OR51B5: variants seen among roughly 807,000 people sequenced by gnomAD.
OR51B5 encodes olfactory receptor family 51 subfamily B member 5.
For missense variants in OR51B5, 456 were observed against 374.6 expected (o/e 1.22, Z -1.79); for synonymous variants, 186 against 144.8 (o/e 1.28, Z -2.04).
intron 1 of OR51B5, among the ~76,000 whole-genome samples, chr11:5,451,763 T>G (rs981561165): frequency 1.3e-5 from 2 of 152,022 alleles, no homozygotes; most frequent in Admixed American, 1.3e-4. Context: ...TTGTTAGAGG[T>G]TGGAGAGGAA....
At chr11:5,476,730 G>C (rs544270776) in intron 1 of OR51B5, among the ~76,000 whole-genome samples, 1 of 152,306 alleles carries the variant, frequency 6.6e-6, no homozygotes, top group African/African-American at 2.4e-5. Context: ...TGACTTACTA[G>C]TTGTGTTATC....
At chr11:5,418,716 C>T (rs1429596545) in intron 1 of OR51B5, among the ~76,000 whole-genome samples, 7 of 151,176 alleles carry the variant, frequency 4.6e-5, no homozygotes, top group Middle Eastern at 3.2e-3. Context: ...CATCACACAC[C>T]CGAGCCTATC....
At chr11:5,498,022 T>A (rs1158178182) in intron 1 of OR51B5, among the ~76,000 whole-genome samples, 2 of 152,190 alleles carry the variant, frequency 1.3e-5, no homozygotes, top group Non-Finnish European at 2.9e-5. Context: ...CATGTGGTCT[T>A]CCACTCCCAC....
intron 1 of OR51B5, among the ~76,000 whole-genome samples, chr11:5,405,290 C>A (rs912595659): frequency 3.9e-5 from 6 of 152,116 alleles, no homozygotes; most frequent in African/African-American, 1.4e-4. Flanking sequence ...AAACATCTTG[C>A]TCAAATCTAT....
At chr11:5,446,970 G>A (rs1220004469) in intron 1 of OR51B5, among the ~76,000 whole-genome samples, 1 of 152,100 alleles carries the variant, frequency 6.6e-6, no homozygotes, top group Non-Finnish European at 1.5e-5. Flanking sequence ...TGGCTTTAAG[G>A]GAGAAGATCA....
intron 1 of OR51B5, among the ~76,000 whole-genome samples, chr11:5,400,093 C>T (rs1849944315): frequency 6.6e-6 from 1 of 152,148 alleles, no homozygotes; most frequent in African/African-American, 2.4e-5. Flanking sequence ...AAATGTTTCT[C>T]ATTTTCAGCC....
chr11:5,458,665 C>T (rs1035565337), intron 1 of OR51B5, among the ~76,000 whole-genome samples: 31 of 152,144 alleles, frequency 2.0e-4, no homozygotes, highest in African/African-American at 6.8e-4. Context: ...TTGTAGAGAT[C>T]ATTCACCTGC....
intron 1 of OR51B5, among the ~76,000 whole-genome samples, chr11:5,447,061 G>T (rs1846061560): frequency 1.3e-5 from 2 of 152,138 alleles, no homozygotes; most frequent in African/African-American, 2.4e-5. Flanking sequence ...ACAAGTTGAT[G>T]CTTTGCATGG....
At chr11:5,428,946 G>C (rs1173879462) in intron 1 of OR51B5, among the ~76,000 whole-genome samples, 1 of 152,142 alleles carries the variant, frequency 6.6e-6, no homozygotes, top group Non-Finnish European at 1.5e-5. Context: ...AAGTGATGTG[G>C]CCAGAGGTCA....
At chr11:5,453,585 G>C (rs139674475) in intron 1 of OR51B5, 3 of 1,613,154 alleles carry the variant, frequency 1.9e-6, no homozygotes, top group Non-Finnish European at 2.5e-6. Flanking sequence ...GCCCCTCTGC[G>C]TGATGTATGC....
intron 1 of OR51B5, among the ~76,000 whole-genome samples, chr11:5,465,485 A>T (rs1851125926): frequency 6.6e-6 from 1 of 152,008 alleles, no homozygotes; most frequent in Non-Finnish European, 1.5e-5. Flanking sequence ...ACCAAAAAAG[A>T]GCCCCCATCA....
intron 1 of OR51B5, among the ~76,000 whole-genome samples, chr11:5,490,196 A>G (rs61892115): frequency 2.0e-5 from 3 of 152,136 alleles, no homozygotes; most frequent in African/African-American, 4.8e-5. Flanking sequence ...TAAAAATAAC[A>G]TCTAACTTTG....
At chr11:5,489,414 C>T (rs1851545792) in intron 1 of OR51B5, 2 of 1,613,856 alleles carry the variant, frequency 1.2e-6, no homozygotes, top group African/African-American at 1.3e-5. Context: ...CTCATGATGC[C>T]CAGCACAAAG....
chr11:5,466,827 G>A (rs1393118309), intron 1 of OR51B5, among the ~76,000 whole-genome samples: 1 of 152,174 alleles, frequency 6.6e-6, no homozygotes, highest in African/African-American at 2.4e-5. Context: ...AGCGAAGTCT[G>A]GTCCAGGAGG....
chr11:5,409,704 A>C (rs1211519203), intron 1 of OR51B5, among the ~76,000 whole-genome samples: 1 of 152,200 alleles, frequency 6.6e-6, no homozygotes, highest in Non-Finnish European at 1.5e-5. Flanking sequence ...CATTCATGGA[A>C]ACTTAAACAA....
At chr11:5,457,655 G>A (rs555188201) in intron 1 of OR51B5, among the ~76,000 whole-genome samples, 1 of 152,214 alleles carries the variant, frequency 6.6e-6, no homozygotes, top group East Asian at 1.9e-4. Context: ...TTTAGTAATA[G>A]TCATTTCTCA....
Position 5,389,812 on chromosome 11 carries a change from C to G in OR51B5, n.85-42902G>C, listed in dbSNP as rs759574205. ...TGTCCTTTGACCGCCTTGTGGCCAT[C>G]TGCCACCCTCTGAGGTATTCGGTCA... On this transcript the variant is annotated intron_variant and non_coding_transcript_variant, in intron 1 of 4. Transcript: ENST00000415970. 14 of 1,613,944 alleles carry G rather than the reference C, an allele frequency of 8.7e-6. No homozygotes were observed. The South Asian group carries it at 1.3e-4, about 15-fold the overall frequency.
chr11:5,430,375 G>A lies in OR51B5; in HGVS notation n.84+75194C>T, dbSNP rs1299927488. On this transcript the variant is annotated intron_variant and non_coding_transcript_variant, in intron 1 of 4. Coordinates refer to the OR51B5 transcript ENST00000415970. ...TTTGCTAGGAGTTTTGAGAAAATGA[G>A]GAAAAGGAAAATCCATTACTTCTGC... Among the ~76,000 whole-genome samples the A allele has an allele frequency of 2.0e-5, 3 of 152,048 alleles. No homozygotes were observed. In the East Asian group the frequency reaches 5.8e-4, roughly 29 times the overall value.
At chr11:5,360,672 C>G (rs971617821) in intron 1 of OR51B5, among the ~76,000 whole-genome samples, 28 of 152,000 alleles carry the variant, frequency 1.8e-4, no homozygotes, top group African/African-American at 6.5e-4. Context: ...AATCATGCTG[C>G]TATAAAGACA....
Sources: allele counts gnomAD v4.1 joint callset (sites outside exome capture counted in the v4.1 genomes callset), GRCh38; gene constraint gnomAD v4.1.1; transcripts MANE v1.5; gene names NCBI Gene and HGNC (gene_info 2026-07-23, HGNC 2026-07-21).